Variants in BRI3 observed in about 807,000 individuals in gnomAD.
BRI3 encodes membrane protein BRI3.
In BRI3, 6 loss-of-function variants were observed where a neutral mutation model predicts 12.8. The ratio of observed to expected loss-of-function variants is 0.47; its 90% CI spans 0.26 to 0.93. The LOEUF (loss-of-function observed/expected upper bound fraction) is 0.93, where lower values mean the gene tolerates loss of function less well. Among genes scored for constraint, BRI3 ranks in the 40% least tolerant of loss-of-function variants. The pLI is 0.15. For synonymous variants in BRI3, 91 were observed against 76.1 expected (o/e 1.20, Z -1.02); for missense variants, 134 against 171.1 (o/e 0.78, Z 1.21).
chr7:98,311,945 T>C, downstream of BRI3: 2 of 735,084 alleles, frequency 2.7e-6, no homozygotes, highest in Non-Finnish European at 4.4e-6. Context: ...CCCAGCTACC[T>C]TCGCCCCTAA....
upstream of BRI3, among the ~76,000 whole-genome samples, chr7:98,301,914 A>AC (rs1043095152): frequency 6.6e-6 from 1 of 151,920 alleles, no homozygotes; most frequent in African/African-American, 2.4e-5. Flanking sequence ...GCACCAGGTC[A>AC]CCCCCTGCAG....
the BRI3 span, chr7:98,317,103 T>C: frequency 3.0e-6 from 4 of 1,323,098 alleles, no homozygotes. Flanking sequence ...TCCTACTGCC[T>C]CGGCCTCCCA....
intron 2 of BRI3, among the ~76,000 whole-genome samples, chr7:98,287,715 T>A (rs974446700): frequency 6.6e-6 from 1 of 152,204 alleles, no homozygotes; most frequent in Non-Finnish European, 1.5e-5. Flanking sequence ...AGGGCGCTGC[T>A]GCTCTTGGAC....
chr7:98,318,046 A>G, the BRI3 span, among the ~76,000 whole-genome samples: 1 of 151,714 alleles, frequency 6.6e-6, no homozygotes, highest in East Asian at 1.9e-4. Context: ...TGCAACTCAC[A>G]CCATCTGCAT....
At chr7:98,292,349 G>C, downstream of BRI3, 1 of 385,360 alleles carries the variant, frequency 2.6e-6, no homozygotes, top group South Asian at 3.0e-5. Flanking sequence ...AGCCTCCTGA[G>C]TGGCGCCCAC....
chr7:98,291,662 C>T (rs1799961487), downstream of BRI3: 1 of 347,526 alleles, frequency 2.9e-6, no homozygotes, highest in Non-Finnish European at 4.1e-6. Context: ...TTTTCAAGTT[C>T]TGCTTTATTA....
chr7:98,281,851 GC>G lies in BRI3; in HGVS notation c.58del (p.Gln20ArgfsTer56). ...CCGCCCGCCTACAACCTGGAGGCCGGCCAGGGCGACTACGCGTGCGGCCCGC... is the reference window on the plus strand; with the variant it reads ...CCGCCCGCCTACAACCTGGAGGCCGGCAGGGCGACTACGCGTGCGGCCCGC... ...ERPPAYNLEA[G>X]QGDYACGPHG... On this transcript the variant is annotated frameshift_variant, in exon 1 of 3. Transcript: ENST00000297290. LOFTEE classifies it high-confidence loss of function. The G allele has an allele frequency of 7.7e-7, 1 of 1,303,708 alleles. No homozygotes were observed. 80.8% of individuals were successfully genotyped at this position (1,303,708 alleles called of 1,614,324 possible).
Position 98,306,623 on chromosome 7 carries a change from A to C in BRI3, n.102A>C. On this transcript the variant is annotated non_coding_transcript_exon_variant, in exon 1 of 2. Coordinates refer to the BRI3 transcript ENST00000485422. ...AGGGCAGACAGGTCCACTGCTCCAG[A>C]AACGCCCATGTGTGGAGGAAATGAA... 2.6e-6 allele frequency: 4 copies of C among 1,516,694 alleles called. No individual in the cohort carries two copies. The South Asian group carries it at 4.7e-5, about 18-fold the overall frequency. 94.0% of individuals were successfully genotyped at this position (1,516,694 alleles called of 1,614,324 possible). A position where few individuals can be genotyped will look rare whatever the true frequency, so the allele number is the denominator to read the frequency against.
chr7:98,313,982 CTTTTT>C (rs35599338), downstream of BRI3, among the ~76,000 whole-genome samples: 1 of 100,974 alleles, frequency 9.9e-6, no homozygotes, highest in Non-Finnish European at 1.9e-5. Context: ...CTTTTTCTTC[CTTTTT>C]TTTTTTTTTT....
At chr7:98,284,589 T>C (rs1347177876) in intron 2 of BRI3, among the ~76,000 whole-genome samples, 1 of 152,208 alleles carries the variant, frequency 6.6e-6, no homozygotes, top group African/African-American at 2.4e-5. Context: ...CACTTCCTCC[T>C]GCCCCAGGTC....
At chr7:98,293,116 T>A, downstream of BRI3, 1 of 402,908 alleles carries the variant, frequency 2.5e-6, no homozygotes, top group Non-Finnish European at 3.6e-6. Flanking sequence ...ATAATGCTAT[T>A]AAGAGCACAT....
At chr7:98,310,222 C>A in exon 2 of BRI3, 1 of 508,102 alleles carries the variant, frequency 2.0e-6, no homozygotes, top group Non-Finnish European at 3.4e-6. Flanking sequence ...GTGCGTAGAA[C>A]TGGTAAATGT....
intron 2 of BRI3, among the ~76,000 whole-genome samples, chr7:98,286,815 T>C (rs922352931): frequency 6.6e-6 from 1 of 152,188 alleles, no homozygotes; most frequent in African/African-American, 2.4e-5. Context: ...TCAGATAAAG[T>C]AGGATAAATT....
downstream of BRI3, chr7:98,293,955 A>G: frequency 8.3e-7 from 1 of 1,206,198 alleles, no homozygotes. Flanking sequence ...CCATGGCTCC[A>G]CAGGCCGAGG....
At chr7:98,311,798 G>A (rs971009781), downstream of BRI3, among the ~76,000 whole-genome samples, 1 of 151,932 alleles carries the variant, frequency 6.6e-6, no homozygotes, top group Non-Finnish European at 1.5e-5. Context: ...CCCAGCTACT[G>A]AGGAGGCTGA....
At chr7:98,315,815 GAGA>G in the BRI3 span, among the ~76,000 whole-genome samples, 1 of 152,132 alleles carries the variant, frequency 6.6e-6, no homozygotes, top group African/African-American at 2.4e-5. Context: ...CGTGTGCAGA[GAGA>G]AGTTGCCCAA....
At chr7:98,315,493 G>C in the BRI3 span, 1 of 1,510,252 alleles carries the variant, frequency 6.6e-7, no homozygotes. Context: ...GGTTTGCAAA[G>C]CCACAGTGCT....
chr7:98,303,634 G>A (rs776189731), upstream of BRI3, among the ~76,000 whole-genome samples: 2 of 152,172 alleles, frequency 1.3e-5, no homozygotes, highest in Non-Finnish European at 2.9e-5. Flanking sequence ...GCCTCTGTGC[G>A]GTGGCGGGAA....
intron 2 of BRI3, 135 bp from the exon 3 acceptor site, chr7:98,290,973 CTGT>C (rs1445950208): frequency 1.7e-5 from 16 of 952,296 alleles, no homozygotes; most frequent in Non-Finnish European, 2.6e-5. Context: ...GGGTGGGGGG[CTGT>C]TTTCTGTCAC....
Sources: gnomAD v4.1 joint callset for allele counts (sites outside exome capture counted in the v4.1 genomes callset) on GRCh38, gnomAD v4.1.1 for gene constraint, MANE v1.5 for transcripts, NCBI Gene and HGNC (gene_info 2026-07-23, HGNC 2026-07-21) for gene names.